The following COG5 variants were observed in gnomAD, a reference collection of about 807,000 sequenced individuals.
The protein encoded by COG5 is conserved oligomeric Golgi complex subunit 5.
In COG5, 86 loss-of-function variants were observed where a neutral mutation model predicts 110.4. The observed-to-expected ratio is 0.78, with a 90% confidence interval of 0.65 to 0.93. COG5 has a LOEUF of 0.93. Ranked by LOEUF, COG5 falls within the 40% of genes least tolerant of loss-of-function variation. The probability of loss-of-function intolerance (pLI) is 0.00; values close to 1 mark genes in which losing one functional copy is unlikely to be tolerated. For synonymous variants in COG5, 360 were observed against 334.6 expected, an observed-to-expected ratio of 1.08 and a Z score of -0.83; for missense variants, 1,077 against 987.0, an observed-to-expected ratio of 1.09 and a Z score of -1.22.
At chr7:107,306,709 C>T (rs1198535874) in intron 11 of COG5, among the ~76,000 whole-genome samples, 1 of 152,134 alleles carries the variant, frequency 6.6e-6, no homozygotes, top group African/African-American at 2.4e-5. Flanking sequence ...AAAGCATACA[C>T]AATCTCTTCC....
intron 7 of COG5, 115 bp downstream of exon 7, chr7:107,412,387 C>G (rs970215746): frequency 5.3e-6 from 5 of 936,918 alleles, no homozygotes. Flanking sequence ...TGTAGACATA[C>G]TTTCTCAGTG....
chr7:107,398,828 A>C (rs1248530532), intron 7 of COG5, among the ~76,000 whole-genome samples: 1 of 152,244 alleles, frequency 6.6e-6, no homozygotes, highest in Non-Finnish European at 1.5e-5. Flanking sequence ...AACTGACTAC[A>C]AACAAGCATG....
chr7:107,559,204 CT>C (rs1413870685), intron 1 of COG5, among the ~76,000 whole-genome samples: 1 of 151,890 alleles, frequency 6.6e-6, no homozygotes, highest in South Asian at 2.1e-4. Flanking sequence ...AAATAGGCCC[CT>C]AATAGACAGA....
intron 6 of COG5, among the ~76,000 whole-genome samples, chr7:107,507,086 C>T (rs1200173535): frequency 6.6e-6 from 1 of 152,124 alleles, no homozygotes; most frequent in Non-Finnish European, 1.5e-5. Context: ...AAAGGTCTTC[C>T]CCTGTGGGTT....
intron 7 of COG5, among the ~76,000 whole-genome samples, chr7:107,396,887 T>C (rs1791056921): frequency 6.6e-6 from 1 of 152,122 alleles, no homozygotes; most frequent in Non-Finnish European, 1.5e-5. Context: ...AATGGAATAA[T>C]GACAAATTAA....
At chr7:107,301,686 T>C (rs932809553) in intron 11 of COG5, among the ~76,000 whole-genome samples, 2 of 152,062 alleles carry the variant, frequency 1.3e-5, no homozygotes, top group Non-Finnish European at 2.9e-5. Context: ...CTGGCCAACA[T>C]GGTGAAACTC....
intron 3 of COG5, among the ~76,000 whole-genome samples, chr7:107,552,152 TTCA>T (rs775344831): frequency 3.3e-5 from 5 of 152,206 alleles, no homozygotes; most frequent in African/African-American, 1.2e-4. Context: ...GTTGCGGTGA[TTCA>T]TCTAGACCTA....
At chr7:107,360,220 C>T (rs1223964975) in intron 10 of COG5, among the ~76,000 whole-genome samples, 1 of 152,174 alleles carries the variant, frequency 6.6e-6, no homozygotes, top group African/African-American at 2.4e-5. Context: ...CTAAATACTG[C>T]AGGTCACCTC....
chr7:107,526,337 T>C (rs1248192593), intron 6 of COG5, among the ~76,000 whole-genome samples: 1 of 152,178 alleles, frequency 6.6e-6, no homozygotes, highest in East Asian at 1.9e-4. Context: ...CAGTTCTATG[T>C]GCACTCACTA....
intron 12 of COG5, among the ~76,000 whole-genome samples, chr7:107,293,688 A>C (rs1806356032): frequency 6.6e-6 from 1 of 152,010 alleles, no homozygotes; most frequent in South Asian, 2.1e-4. Flanking sequence ...TAATCTATAA[A>C]TGCTGGTACC....
chr7:107,299,826 C>CATATATATATATATATATATATATAT (rs71856513), intron 11 of COG5, among the ~76,000 whole-genome samples: 1 of 103,190 alleles, frequency 9.7e-6, no homozygotes, highest in Non-Finnish European at 2.1e-5. Flanking sequence ...TCATAGTTGG[C>CATATATATATATATATATATATATAT]ATATATATAT....
chr7:107,430,232 T>C (rs1224844502), intron 6 of COG5, among the ~76,000 whole-genome samples: 3 of 152,230 alleles, frequency 2.0e-5, no homozygotes, highest in African/African-American at 7.2e-5. Context: ...TTTAGATCTT[T>C]AGGTATATGA....
chr7:107,527,482 T>C, intron 5 of COG5, 125 bp from the exon 6 acceptor site: 1 of 992,624 alleles, frequency 1.0e-6, no homozygotes, highest in Non-Finnish European at 1.5e-6. Flanking sequence ...TTTACCTATG[T>C]AACAAACCTG....
At chr7:107,231,790 T>G (rs968083418) in intron 18 of COG5, among the ~76,000 whole-genome samples, 2 of 152,208 alleles carry the variant, frequency 1.3e-5, no homozygotes, top group Non-Finnish European at 2.9e-5. Flanking sequence ...GAGGATTAGA[T>G]GATTAGATGA....
intron 2 of COG5, 95 bp from the exon 3 acceptor site, chr7:107,554,437 C>T (rs770284710): frequency 3.3e-5 from 36 of 1,097,482 alleles, no homozygotes; most frequent in Middle Eastern, 3.9e-4. Context: ...GGTGTAGAAA[C>T]GAGGCAAATA....
rs553485548 is a variant in COG5 at position 107,516,052 on chromosome 7, A to T, written c.538+11185T>A. Among the ~76,000 whole-genome samples, 305 of 152,302 alleles carry T rather than the reference A, an allele frequency of 2.0e-3. 2 individuals are homozygous for T. The highest frequency in any genetic ancestry group is 6.9e-3 in the African/African-American group (288 of 41,574). Reference sequence around the variant, plus strand: ...AGACTCTTCTTAAAGAAAAATCATGAATCTATGTGATATAACTTAATCATT... The same window carrying T: ...AGACTCTTCTTAAAGAAAAATCATGTATCTATGTGATATAACTTAATCATT... On this transcript the variant is annotated intron_variant, in intron 6 of 21. Transcript: ENST00000297135.
chr7:107,439,689 A>C (rs1794589682), intron 6 of COG5, among the ~76,000 whole-genome samples: 1 of 152,210 alleles, frequency 6.6e-6, no homozygotes, highest in Non-Finnish European at 1.5e-5. Context: ...CTAATGTAAT[A>C]GATCCTTTTG....
intron 5 of COG5, among the ~76,000 whole-genome samples, chr7:107,546,338 A>G (rs1802443289): frequency 6.6e-6 from 1 of 152,136 alleles, no homozygotes; most frequent in African/African-American, 2.4e-5. Context: ...AGTTAGTAGA[A>G]GGAAGAAAAT....
At chr7:107,562,522 G>C (rs1019334491) in intron 1 of COG5, among the ~76,000 whole-genome samples, 3 of 152,064 alleles carry the variant, frequency 2.0e-5, no homozygotes, top group African/African-American at 7.2e-5. Context: ...TACCTTTATA[G>C]TCTACAAGAT....
Sources: allele counts gnomAD v4.1 joint callset (sites outside exome capture counted in the v4.1 genomes callset), GRCh38; gene constraint gnomAD v4.1.1; transcripts MANE v1.5; gene names NCBI Gene and HGNC (gene_info 2026-07-23, HGNC 2026-07-21).